SMURF2: variants seen among roughly 807,000 people sequenced by gnomAD.
The protein encoded by SMURF2 is E3 ubiquitin-protein ligase SMURF2.
SMURF2 carries 48 observed loss-of-function variants against 109.6 expected under a neutral mutation model. The ratio of observed to expected loss-of-function variants is 0.44; its 90% CI spans 0.35 to 0.56. The LOEUF is 0.56. SMURF2 is among the 20% of genes least tolerant of loss of function. The pLI, the probability that SMURF2 is intolerant of heterozygous loss-of-function variation, is 0.01. For missense variants in SMURF2, 575 were observed against 909.0 expected (o/e 0.63, Z 4.72); for synonymous variants, 288 against 317.1 (o/e 0.91, Z 0.97).
chr17:64,654,654 A>G (rs370634589), intron 1 of SMURF2, among the ~76,000 whole-genome samples: 1 of 151,922 alleles, frequency 6.6e-6, no homozygotes, highest in Non-Finnish European at 1.5e-5. Flanking sequence ...ACATGGAGAA[A>G]CCCCATCTCT....
rs782095915 is a variant in SMURF2 at position 64,583,478 on chromosome 17, T to C, written c.552A>G (p.Gln184=). ...GTTCTTACCGTGTTGGGCGCTCCCA[T>C]TGCGTAGTTCTTGTTATATGGTTTA... ...QYLNHITRTT[Q]WERPTRPASE... is the part of the protein sequence containing the mutation. Residue 184 remains glutamine (Q), a synonymous_variant, in exon 7 of 19, where the codon CAA becomes CAG. Coordinates refer to ENST00000262435, the MANE Select transcript of SMURF2 (RefSeq NM_022739.4). The C allele has an allele frequency of 1.2e-5, 20 of 1,613,774 alleles. No individual in the cohort carries two copies. The highest frequency in any genetic ancestry group is 2.2e-5 in the East Asian group (1 of 44,884).
Position 64,562,842 on chromosome 17 carries a change from G to A in SMURF2, c.1141C>T (p.Gln381Ter), listed in dbSNP as rs1189717598. ...DLVQKLKILR[Q>*]ELSQQQPQAG... ...TGAGGCTGTTGTTGGGAAAGTTCTT[G>A]CCGCAAAATTTTTAGTTTCTGAACC... The change falls in exon 11 of 19, where the codon CAA (glutamine) becomes TAA (stop). Residue 381 changes from glutamine to a stop codon, truncating the protein, a stop_gained. Coordinates refer to ENST00000262435, the MANE Select transcript of SMURF2 (RefSeq NM_022739.4). LOFTEE classifies it high-confidence loss of function. 1 of 1,614,120 alleles carries A rather than the reference G, an allele frequency of 6.2e-7. No homozygotes were observed.
chr17:64,576,598 A>G (rs1969494193), intron 9 of SMURF2, among the ~76,000 whole-genome samples: 1 of 151,068 alleles, frequency 6.6e-6, no homozygotes, highest in African/African-American at 2.5e-5. Flanking sequence ...CGGGAGGCGG[A>G]GGTTGCAGTG....
intron 10 of SMURF2, among the ~76,000 whole-genome samples, chr17:64,567,853 C>CTTTTTT (rs1173742917): frequency 8.9e-6 from 1 of 112,192 alleles, no homozygotes. Context: ...CCACACCTGG[C>CTTTTTT]TTTTTTTTTT....
At chr17:64,578,427 A>G in intron 9 of SMURF2, 65 bp downstream of exon 9, 3 of 1,110,268 alleles carry the variant, frequency 2.7e-6, no homozygotes, top group Middle Eastern at 2.1e-4. Flanking sequence ...TTTCTTAAAA[A>G]TCAAAGAAAT....
At chr17:64,633,275 C>T (rs1043050975) in intron 1 of SMURF2, among the ~76,000 whole-genome samples, 6 of 152,066 alleles carry the variant, frequency 3.9e-5, no homozygotes, top group Non-Finnish European at 5.9e-5. Flanking sequence ...GTTTCAAAAA[C>T]AAAACAAAAC....
At chr17:64,561,254 T>C (rs1346664601) in intron 12 of SMURF2, among the ~76,000 whole-genome samples, 2 of 152,064 alleles carry the variant, frequency 1.3e-5, no homozygotes, top group Non-Finnish European at 2.9e-5. Flanking sequence ...AAGAGAGAGA[T>C]GGAGAAAACA....
intron 1 of SMURF2, among the ~76,000 whole-genome samples, chr17:64,608,299 T>TA (rs1276969226): frequency 6.6e-6 from 1 of 151,990 alleles, no homozygotes; most frequent in South Asian, 2.1e-4. Flanking sequence ...AGGGTTCACA[T>TA]AAAAAAACCT....
Position 64,591,164 on chromosome 17 carries a change from CAAAG to C in SMURF2, c.335-19_335-16del. The C allele has an allele frequency of 6.2e-7, 1 of 1,606,750 alleles. No homozygotes were observed. Among genetic ancestry groups the C allele is most frequent in the Non-Finnish European group, 8.5e-7 (1 of 1,176,156 alleles). On this transcript the variant is annotated splice_polypyrimidine_tract_variant and intron_variant, in intron 4 of 18. Transcript: ENST00000262435. ...CAACCTCTGATCTATTTGAAGTCAA[CAAAG>C]AAAGCAACGAAAAAATTAGCTGGTA...
At chr17:64,658,165 G>A (rs1329446456) in intron 1 of SMURF2, among the ~76,000 whole-genome samples, 1 of 152,060 alleles carries the variant, frequency 6.6e-6, no homozygotes, top group African/African-American at 2.4e-5. Flanking sequence ...GACCAGCCTG[G>A]CCAACGTGGC....
At chr17:64,660,696 G>A (rs1256723930) in intron 1 of SMURF2, 1 of 152,112 alleles carries the variant, frequency 6.6e-6, no homozygotes, top group Non-Finnish European at 1.5e-5. Context: ...ATCCGTACAC[G>A]TGCACGCACA....
chr17:64,598,678 T>C (rs1302429881), intron 2 of SMURF2, among the ~76,000 whole-genome samples, 188 bp from the exon 3 acceptor site: 2 of 152,228 alleles, frequency 1.3e-5, no homozygotes, highest in African/African-American at 2.4e-5. Context: ...ACCAAAACTA[T>C]ATTTTTTCTC....
In SMURF2 at chr17:64,596,491, A is replaced by G. The variant is rs571459861; in HGVS notation, c.200+1891T>C. Among the ~76,000 whole-genome samples the G allele has an allele frequency of 2.7e-5, 4 of 149,830 alleles. No homozygotes were observed. In the South Asian group the frequency reaches 8.4e-4, roughly 32 times the overall value. On this transcript the variant is annotated intron_variant, in intron 3 of 18. Transcript: ENST00000262435. ...ATATCAAAAGATAAGAAGTCAAAGTATATCTTCTGATAAGATCTCAACTTT... is the reference window on the plus strand; with the variant it reads ...ATATCAAAAGATAAGAAGTCAAAGTGTATCTTCTGATAAGATCTCAACTTT...
chr17:64,562,203 G>A (rs1391132215), intron 11 of SMURF2, among the ~76,000 whole-genome samples: 1 of 133,244 alleles, frequency 7.5e-6, no homozygotes, highest in African/African-American at 2.8e-5. Flanking sequence ...TGAGGCAGGA[G>A]AATCGCTTGA....
At chr17:64,578,675 C>CA (rs1969534127) in intron 8 of SMURF2, 99 bp from the exon 9 acceptor site, 1 of 692,426 alleles carries the variant, frequency 1.4e-6, no homozygotes, top group Admixed American at 2.9e-5. Context: ...GAAAAATCTC[C>CA]AAATTACCAA....
chr17:64,620,557 A>G (rs1011103590), intron 1 of SMURF2, among the ~76,000 whole-genome samples: 1 of 152,114 alleles, frequency 6.6e-6, no homozygotes. Flanking sequence ...CTTAAATGTT[A>G]TTATCCCAAC....
Position 64,583,505 on chromosome 17 carries a change from A to G in SMURF2, c.525T>C (p.Tyr175=). 1.2e-6 allele frequency: 2 copies of G among 1,614,078 alleles called. No individual in the cohort carries two copies. The highest frequency in any genetic ancestry group is 1.7e-6 in the Non-Finnish European group (2 of 1,179,962). ...ERRTASGRIQ[Y]LNHITRTTQW... ...GCGTAGTTCTTGTTATATGGTTTAG[A>G]TACTGGATTCTTCCAGAGGCGGTTC... The change falls in exon 7 of 19, where the codon TAT becomes TAC. Residue 175 remains tyrosine (Y), a synonymous_variant. Transcript: ENST00000262435.
At chr17:64,549,141 C>T (rs985959303) in intron 16 of SMURF2, among the ~76,000 whole-genome samples, 5 of 151,248 alleles carry the variant, frequency 3.3e-5, no homozygotes, top group African/African-American at 9.7e-5. Flanking sequence ...AAAAGGTAGC[C>T]GGGCGTGGTG....
rs1310293865 is a variant in SMURF2 at position 64,545,920 on chromosome 17, A to G, written c.2175T>C (p.Tyr725=). 6.2e-7 allele frequency: 1 copy of G among 1,609,874 alleles called. No individual in the cohort carries two copies. Among genetic ancestry groups the G allele is most frequent in the Non-Finnish European group, 8.5e-7 (1 of 1,176,104 alleles). ...TCFNRIDIPP[Y]ESYEKLYEKL... ...TTTCATATAGCTTTTCATAGCTTTC[A>G]TAGGGTGGAATGTCTATTCGATTGA... The change falls in exon 19 of 19, where the codon TAT becomes TAC. Residue 725 remains tyrosine (Y), a synonymous_variant. Coordinates refer to ENST00000262435, the MANE Select transcript of SMURF2 (RefSeq NM_022739.4).
Sources: gnomAD v4.1 joint callset for allele counts (sites outside exome capture counted in the v4.1 genomes callset) on GRCh38, gnomAD v4.1.1 for gene constraint, MANE v1.5 for transcripts, NCBI Gene and HGNC (gene_info 2026-07-23, HGNC 2026-07-21) for gene names.